The following TMEM39B variants were observed in gnomAD, a reference collection of about 807,000 sequenced individuals.
The protein encoded by TMEM39B is transmembrane protein 39B.
Under a neutral mutation model 52.2 loss-of-function variants are expected in TMEM39B, and 23 were observed. The ratio of observed to expected loss-of-function variants is 0.44; its 90% confidence interval spans 0.32 to 0.62. TMEM39B has a LOEUF of 0.62. Among genes scored for constraint, TMEM39B ranks in the 20% least tolerant of loss-of-function variants. The probability of loss-of-function intolerance (pLI) is 0.06; values close to 1 mark genes in which losing one functional copy is unlikely to be tolerated. For missense variants in TMEM39B, 547 were observed against 642.0 expected, an observed-to-expected ratio of 0.85 and a Z score of 1.60; for synonymous variants, 285 against 264.0, an observed-to-expected ratio of 1.08 and a Z score of -0.77.
chr1:32,096,660 C>G (rs1640820459), intron 7 of TMEM39B, among the ~76,000 whole-genome samples: 1 of 151,922 alleles, frequency 6.6e-6, no homozygotes, highest in Non-Finnish European at 1.5e-5. Flanking sequence ...GGGGTTTCAC[C>G]ATGTTAGCGA....
In TMEM39B at chr1:32,075,050, C is replaced by T. The variant is rs563024005; in HGVS notation, c.104C>T (p.Ser35Leu). ...AGTGGAAGCCACACTTCCAGTGCAT[C>T]GGTGACCAGTGTTCGTTCCCGCACC... Reference protein sequence around the residue: ...GSSGSHTSSASVTSVRSRTRS... With the variant: ...GSSGSHTSSALVTSVRSRTRS... Residue 35 changes from serine to leucine, a missense_variant, in exon 2 of 9, where the codon TCG becomes TTG. Coordinates refer to ENST00000336294, the MANE Select transcript of TMEM39B (RefSeq NM_018056.4). 1.6e-4 allele frequency: 242 copies of T among 1,551,344 alleles called. No homozygotes were observed. Among genetic ancestry groups the T allele is most frequent in the Non-Finnish European group, 1.9e-4 (223 of 1,146,848 alleles).
chr1:32,086,991 T>C (rs141449846), intron 5 of TMEM39B: 2 of 152,122 alleles, frequency 1.3e-5, no homozygotes, highest in Admixed American at 6.6e-5. Flanking sequence ...TGCTCCTGAA[T>C]AGCTGGGACT....
intron 7 of TMEM39B, among the ~76,000 whole-genome samples, chr1:32,098,529 G>A (rs1433407109): frequency 4.6e-5 from 7 of 151,530 alleles, no homozygotes; most frequent in Admixed American, 1.3e-4. Context: ...TCAGGAGATC[G>A]AGGCCATCCT....
intron 7 of TMEM39B, among the ~76,000 whole-genome samples, chr1:32,096,105 AG>A (rs556191595): frequency 1.0e-3 from 158 of 152,208 alleles, no homozygotes; most frequent in Non-Finnish European, 2.1e-3. Flanking sequence ...AGCAAAGCAA[AG>A]CAAATCTCCT....
chr1:32,084,013 A>AC (rs1557426912), intron 5 of TMEM39B, among the ~76,000 whole-genome samples: 1 of 152,120 alleles, frequency 6.6e-6, no homozygotes, highest in African/African-American at 2.4e-5. Flanking sequence ...ACACACACAC[A>AC]AATGTTCCTA....
Position 32,075,079 on chromosome 1 carries a change from T to TA in TMEM39B, c.131+5dup. Reference sequence around the variant, plus strand: ...GACCAGTGTTCGTTCCCGCACCAGGTAAACCACCTCTCTGTCTCACCCCTC... The same window carrying TA: ...GACCAGTGTTCGTTCCCGCACCAGGTAAAACCACCTCTCTGTCTCACCCCTC... On this transcript the variant is annotated splice_region_variant and intron_variant, in intron 2 of 8. Coordinates refer to ENST00000336294, the MANE Select transcript of TMEM39B (RefSeq NM_018056.4). 1.3e-6 allele frequency: 2 copies of TA among 1,549,138 alleles called. No homozygotes were observed. The highest frequency in any genetic ancestry group is 1.7e-6 in the Non-Finnish European group (2 of 1,145,636).
intron 5 of TMEM39B, among the ~76,000 whole-genome samples, chr1:32,083,978 C>T (rs1023159343): frequency 2.0e-5 from 3 of 151,570 alleles, no homozygotes; most frequent in African/African-American, 7.3e-5. Flanking sequence ...GAGCAAGACC[C>T]TGTTTCAGAC....
At chr1:32,090,651 GT>G (rs1361911230) in intron 5 of TMEM39B, among the ~76,000 whole-genome samples, 1 of 151,018 alleles carries the variant, frequency 6.6e-6, no homozygotes, top group Non-Finnish European at 1.5e-5. Context: ...TTGTTTTTTT[GT>G]TTTTTGAGAC....
intron 2 of TMEM39B, 35 bp downstream of exon 2, chr1:32,075,112 C>A: frequency 6.5e-7 from 1 of 1,535,310 alleles, no homozygotes; most frequent in Admixed American, 2.0e-5. Context: ...CTCACTGTGG[C>A]CTCACAGGGA....
At chr1:32,083,156 C>T (rs1008452201) in intron 5 of TMEM39B, among the ~76,000 whole-genome samples, 12 of 143,090 alleles carry the variant, frequency 8.4e-5, no homozygotes, top group Non-Finnish European at 1.6e-4. Context: ...GCCATCTCTG[C>T]TCACTGCAGC....
chr1:32,078,683 C>T (rs538782301), intron 5 of TMEM39B, among the ~76,000 whole-genome samples: 3 of 152,098 alleles, frequency 2.0e-5, no homozygotes, highest in African/African-American at 2.4e-5. Flanking sequence ...TGATGTCACC[C>T]GGGCTGGAGT....
intron 1 of TMEM39B, among the ~76,000 whole-genome samples, chr1:32,074,424 T>C (rs1191360457): frequency 6.6e-6 from 1 of 152,168 alleles, no homozygotes; most frequent in African/African-American, 2.4e-5. Context: ...CCTACCTTGC[T>C]GGGTTCATTC....
At chr1:32,089,332 C>T (rs1361948945) in intron 5 of TMEM39B, among the ~76,000 whole-genome samples, 1 of 151,738 alleles carries the variant, frequency 6.6e-6, no homozygotes, top group Non-Finnish European at 1.5e-5. Context: ...AGGGTTTCGC[C>T]ATCTTGCCCA....
intron 5 of TMEM39B, among the ~76,000 whole-genome samples, chr1:32,079,061 A>ATTATT (rs1167393011): frequency 2.6e-5 from 4 of 151,210 alleles, no homozygotes; most frequent in African/African-American, 9.7e-5. Context: ...GGTCTGTCTC[A>ATTATT]TTATTTTATT....
intron 5 of TMEM39B, among the ~76,000 whole-genome samples, chr1:32,077,528 C>G (rs1336252271): frequency 6.6e-6 from 1 of 152,224 alleles, no homozygotes; most frequent in Non-Finnish European, 1.5e-5. Flanking sequence ...TTACCCAGCT[C>G]TCACTATGGG....
intron 5 of TMEM39B, 61 bp downstream of exon 5, chr1:32,077,379 C>T (rs1235409272): frequency 6.3e-7 from 1 of 1,585,224 alleles, no homozygotes; most frequent in Non-Finnish European, 8.6e-7. Context: ...TCTGCCCTGA[C>T]CGTAGCTGGC....
At chr1:32,092,073 G>A in intron 6 of TMEM39B, 62 bp downstream of exon 6, 6 of 1,482,490 alleles carry the variant, frequency 4.0e-6, no homozygotes, top group South Asian at 1.3e-5. Flanking sequence ...CTGCCTGCCC[G>A]ATGTGAGTTC....
chr1:32,074,236 G>A (rs1639759534), intron 1 of TMEM39B, among the ~76,000 whole-genome samples: 1 of 152,102 alleles, frequency 6.6e-6, no homozygotes, highest in African/African-American at 2.4e-5. Context: ...ATCCCAGAAT[G>A]CCCTTTGAGC....
At chr1:32,077,414 A>G in intron 5 of TMEM39B, 96 bp downstream of exon 5, 1 of 1,447,260 alleles carries the variant, frequency 6.9e-7, no homozygotes, top group South Asian at 1.2e-5. Flanking sequence ...TATCTGGAAG[A>G]TCGGAGGCAG....
Sources: allele counts gnomAD v4.1 joint callset (sites outside exome capture counted in the v4.1 genomes callset), GRCh38; gene constraint gnomAD v4.1.1; transcripts MANE v1.5; gene names NCBI Gene and HGNC (gene_info 2026-07-23, HGNC 2026-07-21).